Variants in PRKAR2A observed in about 807,000 individuals in gnomAD.
The protein encoded by PRKAR2A is cAMP-dependent protein kinase type II-alpha regulatory subunit.
Under a neutral mutation model 51.9 loss-of-function variants are expected in PRKAR2A, and 29 were observed. That is an observed-to-expected ratio of 0.56 (90% CI 0.42 to 0.76). PRKAR2A has a LOEUF of 0.76. PRKAR2A is among the 30% of genes least tolerant of loss of function. The pLI, the probability that PRKAR2A is intolerant of heterozygous loss-of-function variation, is 0.00. For missense variants in PRKAR2A, 445 were observed against 512.1 expected (o/e 0.87, Z 1.26); for synonymous variants, 178 against 186.2 (o/e 0.96, Z 0.36).
intron 1 of PRKAR2A, among the ~76,000 whole-genome samples, chr3:48,821,093 G>A (rs1252838187): frequency 6.6e-6 from 1 of 152,212 alleles, no homozygotes; most frequent in African/African-American, 2.4e-5. Flanking sequence ...AGGGTGGAAT[G>A]ATTAGTCCAG....
intron 1 of PRKAR2A, among the ~76,000 whole-genome samples, chr3:48,838,201 T>C (rs1317923467): frequency 6.6e-6 from 1 of 151,260 alleles, no homozygotes; most frequent in Admixed American, 6.6e-5. Context: ...ACAACACATA[T>C]TATATGATTC....
chr3:48,802,870 T>C (rs1052615563), intron 2 of PRKAR2A, among the ~76,000 whole-genome samples: 1 of 152,112 alleles, frequency 6.6e-6, no homozygotes, highest in Admixed American at 6.6e-5. Context: ...AAGAATTGAG[T>C]TAAAAGATCA....
In PRKAR2A at chr3:48,765,349, C is replaced by T; in HGVS notation, c.697G>A (p.Asp233Asn). The change falls in exon 7 of 11, where the codon GAC (aspartate) becomes AAC (asparagine). Residue 233 changes from aspartate to asparagine, a missense_variant and splice_region_variant. By Grantham distance (23) the Asp-to-Asn change is conservative. Coordinates refer to ENST00000265563, the MANE Select transcript of PRKAR2A (RefSeq NM_004157.4). ...ATGATTCTTCTAAAAGTCACCCGGT[C>T]CTACAAGAAAGAATATGAAAATTCT... Reference protein sequence around the residue: ...ATSEGSLWGLDRVTFRRIIVK... With the variant: ...ATSEGSLWGLNRVTFRRIIVK... 6.3e-7 allele frequency: 1 copy of T among 1,592,688 alleles called. No individual in the cohort carries two copies. Among genetic ancestry groups the T allele is most frequent in the Non-Finnish European group, 8.6e-7 (1 of 1,169,058 alleles).
chr3:48,828,959 G>A (rs755958631), intron 1 of PRKAR2A, among the ~76,000 whole-genome samples: 13 of 151,646 alleles, frequency 8.6e-5, no homozygotes, highest in Admixed American at 4.6e-4. Flanking sequence ...TCAGCCTCCC[G>A]AGTAGCTAGG....
chr3:48,817,876 C>A (rs1315035938), intron 1 of PRKAR2A, among the ~76,000 whole-genome samples: 3 of 151,512 alleles, frequency 2.0e-5, no homozygotes, highest in Admixed American at 6.6e-5. Context: ...TAAAAAAAAA[C>A]AAACTCCATT....
chr3:48,772,854 G>A, intron 6 of PRKAR2A, 101 bp downstream of exon 6: 2 of 1,231,020 alleles, frequency 1.6e-6, no homozygotes, highest in Non-Finnish European at 2.2e-6. Flanking sequence ...GTGTTAGCCA[G>A]GATGGCTGTA....
chr3:48,778,135 G>C (rs2082132677), intron 5 of PRKAR2A, among the ~76,000 whole-genome samples: 1 of 152,110 alleles, frequency 6.6e-6, no homozygotes. Flanking sequence ...GTCAGGAACT[G>C]TACCTTTTTA....
chr3:48,787,600 T>A (rs775070104), intron 4 of PRKAR2A, among the ~76,000 whole-genome samples: 1 of 152,220 alleles, frequency 6.6e-6, no homozygotes, highest in Non-Finnish European at 1.5e-5. Flanking sequence ...CAAGAGGTTT[T>A]ATTCACAGAT....
intron 4 of PRKAR2A, among the ~76,000 whole-genome samples, chr3:48,789,648 A>G (rs1363210199): frequency 1.3e-5 from 2 of 151,452 alleles, no homozygotes; most frequent in East Asian, 3.9e-4. Flanking sequence ...ACACTACCAC[A>G]CCTGGCTAAT....
At chr3:48,756,951 C>A (rs1335017056) in intron 8 of PRKAR2A, among the ~76,000 whole-genome samples, 1 of 152,152 alleles carries the variant, frequency 6.6e-6, no homozygotes, top group African/African-American at 2.4e-5. Flanking sequence ...TATCACTGCC[C>A]CATATGAGTA....
chr3:48,773,131 TTTAA>T lies in PRKAR2A; in HGVS notation c.543-27_543-24del, dbSNP rs772063643. ...CCCCTAGAAGAATGACAAAGAATAA[TTTAA>T]TTAGTTACTTCTGATAATAAATGTT... On this transcript the variant is annotated intron_variant, in intron 5 of 10. Transcript: ENST00000265563. 2.8e-5 allele frequency: 44 copies of T among 1,569,656 alleles called. No individual in the cohort carries two copies. The African/African-American group carries it at 3.0e-4, about 11-fold the overall frequency.
At chr3:48,756,587 C>A in intron 8 of PRKAR2A, 143 bp from the exon 9 acceptor site, 1 of 610,902 alleles carries the variant, frequency 1.6e-6, no homozygotes, top group Admixed American at 2.9e-5. Flanking sequence ...AAATTCAGAG[C>A]AGGCAATGAG....
At chr3:48,830,698 T>C (rs1467340118) in intron 1 of PRKAR2A, among the ~76,000 whole-genome samples, 1 of 152,296 alleles carries the variant, frequency 6.6e-6, no homozygotes, top group East Asian at 1.9e-4. Flanking sequence ...TTTCTATTAT[T>C]ATTACATTGT....
rs763546803 is a variant in PRKAR2A, at chr3:48,790,663, T to C, written c.352-36A>G. 5.3e-6 allele frequency: 7 copies of C among 1,325,464 alleles called. No homozygotes were observed. The South Asian group carries it at 5.5e-5, about 10-fold the overall frequency. 82.1% of individuals were successfully genotyped at this position (1,325,464 alleles called of 1,614,324 possible). A position where few individuals can be genotyped will look rare whatever the true frequency, so the allele number is the denominator to read the frequency against. On this transcript the variant is annotated intron_variant, in intron 3 of 10. Coordinates refer to ENST00000265563, the MANE Select transcript of PRKAR2A (RefSeq NM_004157.4). ...AAATAAAACCATGGAAACTGTTTTA[T>C]TCCATTTTAAAATAACCACTTAAAG...
chr3:48,816,374 C>T (rs1321952176), intron 1 of PRKAR2A, among the ~76,000 whole-genome samples: 1 of 152,178 alleles, frequency 6.6e-6, no homozygotes, highest in Non-Finnish European at 1.5e-5. Flanking sequence ...CAGTGCTCAG[C>T]ACATGGCGGA....
intron 9 of PRKAR2A, among the ~76,000 whole-genome samples, chr3:48,753,563 AGT>A (rs2081699949): frequency 6.6e-6 from 1 of 152,134 alleles, no homozygotes; most frequent in Non-Finnish European, 1.5e-5. Context: ...CAATTTCAGT[AGT>A]ATTCTCTGGA....
chr3:48,802,869 G>A (rs2082612131), intron 2 of PRKAR2A, among the ~76,000 whole-genome samples: 1 of 152,188 alleles, frequency 6.6e-6, no homozygotes, highest in Non-Finnish European at 1.5e-5. Context: ...AAAGAATTGA[G>A]TTAAAAGATC....
intron 1 of PRKAR2A, among the ~76,000 whole-genome samples, chr3:48,829,847 G>GTGTGTATATA (rs777532795): frequency 4.5e-4 from 29 of 63,756 alleles, no homozygotes; most frequent in African/African-American, 9.1e-4. Flanking sequence ...ATGCGTGTGT[G>GTGTGTATATA]TATATATATA....
intron 1 of PRKAR2A, among the ~76,000 whole-genome samples, chr3:48,827,223 G>A (rs1234739078): frequency 2.6e-5 from 4 of 151,464 alleles, no homozygotes; most frequent in Non-Finnish European, 4.4e-5. Flanking sequence ...GTCTAGAAAT[G>A]CCAAGACAAA....
Sources: allele counts gnomAD v4.1 joint callset (sites outside exome capture counted in the v4.1 genomes callset), GRCh38; gene constraint gnomAD v4.1.1; transcripts MANE v1.5; gene names NCBI Gene and HGNC (gene_info 2026-07-23, HGNC 2026-07-21).